SPI1: variants seen among roughly 807,000 people sequenced by gnomAD.
SPI1 encodes the protein Spi-1 proto-oncogene, also known as transcription factor PU.1.
SPI1 carries 3 observed loss-of-function variants against 30.7 expected under a neutral mutation model. The observed-to-expected ratio is 0.10, with a 90% confidence interval of 0.04 to 0.25. SPI1 has a LOEUF of 0.25. Ranked by LOEUF, SPI1 falls within the 10% of genes least tolerant of loss-of-function variation. The pLI is 1.00. For missense variants in SPI1, 261 were observed against 371.5 expected (o/e 0.70, Z 2.45); for synonymous variants, 169 against 157.1 (o/e 1.08, Z -0.56).
chr11:47,373,279 G>A lies in SPI1; in HGVS notation c.142+2354C>T, dbSNP rs1188423526. ...AGGCAGGAGAATCGCTTGAATCCGG[G>A]AGGCGGAGGTTGCAGTGAGCCAAGA... is the stretch of plus-strand genomic sequence containing the variant. On this transcript the variant is annotated intron_variant, in intron 2 of 4. Coordinates refer to ENST00000378538, the MANE Select transcript of SPI1 (RefSeq NM_003120.3). Among the ~76,000 whole-genome samples, 16 of 152,220 alleles carry A rather than the reference G, an allele frequency of 1.1e-4. No individual in the cohort carries two copies. In the East Asian group the frequency reaches 2.7e-3, roughly 26 times the overall value.
chr11:47,361,501 A>G (rs7119799), intron 2 of SPI1, among the ~76,000 whole-genome samples: 151,592 of 152,292 alleles, frequency 1, 75,451 homozygotes, highest in Middle Eastern at 1. Context: ...TTCAGCATGA[A>G]CACCTTTTCC....
rs1487703811 is a variant in SPI1, at chr11:47,374,976, T to G, written c.142+657A>C. Among the ~76,000 whole-genome samples the G allele has an allele frequency of 1.3e-5, 2 of 152,090 alleles. No homozygotes were observed. Among genetic ancestry groups the G allele is most frequent in the African/African-American group, 4.8e-5 (2 of 41,410 alleles). On this transcript the variant is annotated intron_variant, in intron 2 of 4. Transcript: ENST00000378538. This position sits in a 1 kb window ranked among gnomAD's most constrained non-coding sequence, Gnocchi z 4.5. ...TTCCTTCGGCCCAGCAGTTCCCAATTAGGGGTGATTTTGCCTCCCGGGGGG... is the reference window on the plus strand; with the variant it reads ...TTCCTTCGGCCCAGCAGTTCCCAATGAGGGGTGATTTTGCCTCCCGGGGGG...
At chr11:47,368,510 C>T (rs183758016) in intron 2 of SPI1, among the ~76,000 whole-genome samples, 79 of 152,336 alleles carry the variant, frequency 5.2e-4, no homozygotes, top group Middle Eastern at 3.4e-3. Context: ...CCCTAAGTGT[C>T]GGACGGCTGG....
intron 1 of SPI1, among the ~76,000 whole-genome samples, chr11:47,377,774 C>T (rs1156359403): frequency 1.3e-5 from 2 of 152,244 alleles, no homozygotes; most frequent in African/African-American, 4.8e-5. Context: ...CCTGTGGGCC[C>T]ATGGCCCTGA....
intron 4 of SPI1, among the ~76,000 whole-genome samples, chr11:47,356,642 C>A (rs1344002767): frequency 1.3e-5 from 2 of 151,814 alleles, no homozygotes; most frequent in African/African-American, 4.8e-5. Context: ...CACAAACACA[C>A]CTGCTTACAC....
intron 4 of SPI1, chr11:47,358,437 CAG>C (rs2095915363): frequency 1.6e-6 from 1 of 634,280 alleles, no homozygotes; most frequent in Non-Finnish European, 2.9e-6. Flanking sequence ...CATGTGTTGA[CAG>C]ACACACAAAC....
At chr11:47,355,655 G>A (rs2095907049) in intron 4 of SPI1, 109 bp from the exon 5 acceptor site, 5 of 951,572 alleles carry the variant, frequency 5.3e-6, no homozygotes, top group Non-Finnish European at 7.6e-6. Flanking sequence ...GGGAAGGGCA[G>A]GGGAACGGCT....
At position 47,369,573 on chromosome 11, in the gene SPI1, C is replaced by A. The variant is rs200219411; in HGVS notation, c.142+6060G>T. 8.4e-3 allele frequency among the ~76,000 whole-genome samples: 884 copies of A among 104,680 alleles called. 10 individuals carry two copies. Among genetic ancestry groups the A allele is most frequent in the African/African-American group, 0.027 (771 of 29,028 alleles). The allele number at this position is 104,680 out of a possible 152,430, so 68.7% of individuals were successfully genotyped here. ...AAGAGAGAGAGAGAAAAAAAAAAAA[C>A]AACAAATGAAACAAACAAAAAGCTA... is the stretch of plus-strand genomic sequence containing the variant. On this transcript the variant is annotated intron_variant, in intron 2 of 4. Transcript: ENST00000378538.
At chr11:47,357,096 C>T (rs1437370924) in intron 4 of SPI1, among the ~76,000 whole-genome samples, 1 of 151,312 alleles carries the variant, frequency 6.6e-6, no homozygotes, top group Non-Finnish European at 1.5e-5. Flanking sequence ...ATGCTAACAC[C>T]TCACACATTC....
intron 4 of SPI1, 121 bp downstream of exon 4, chr11:47,358,723 A>G (rs1457527497): frequency 2.1e-6 from 2 of 971,186 alleles, no homozygotes; most frequent in East Asian, 5.3e-5. Context: ...ACTGGCAAAC[A>G]TGCACACACA....
At position 47,356,956 on chromosome 11, in the gene SPI1, A is replaced by C. The variant is rs565362052; in HGVS notation, c.494-1410T>G. Among the ~76,000 whole-genome samples, 3 of 143,956 alleles carry C rather than the reference A, an allele frequency of 2.1e-5. No individual in the cohort carries two copies. In the South Asian group the frequency reaches 6.8e-4, roughly 32 times the overall value. The allele number at this position is 143,956 out of a possible 152,430, so 94.4% of individuals were successfully genotyped here. A position where few individuals can be genotyped will look rare whatever the true frequency, so the allele number is the denominator to read the frequency against. ...CATTCACTCACGCACACACCCACTC[A>C]CACATGCTCACGTCTGCTCACACAC... On this transcript the variant is annotated intron_variant, in intron 4 of 4. Transcript: ENST00000378538.
chr11:47,358,893 G>T lies in SPI1; in HGVS notation c.444C>A (p.Gly148=), dbSNP rs1230871689. The change falls in exon 4 of 5, where the codon GGC becomes GGA. Residue 148 remains glycine, a synonymous_variant. Transcript: ENST00000378538. ...RQSPPLEVSD[G]EADGLEPGPG... is the part of the protein sequence containing the mutation. ...GCCCGGGCTCCAGGCCATCCGCCTCGCCGTCAGACACCTCCAGTGGGGGGC... is the reference window on the plus strand; with the variant it reads ...GCCCGGGCTCCAGGCCATCCGCCTCTCCGTCAGACACCTCCAGTGGGGGGC... 1.3e-6 allele frequency: 2 copies of T among 1,560,472 alleles called. No individual in the cohort carries two copies. The highest frequency in any genetic ancestry group is 2.4e-5 in the South Asian group (2 of 84,244).
At position 47,359,623 on chromosome 11, in the gene SPI1, C is replaced by T. The variant is rs534073599; in HGVS notation, c.330+230G>A. 5.3e-5 allele frequency among the ~76,000 whole-genome samples: 8 copies of T among 150,042 alleles called. No homozygotes were observed. The East Asian group carries it at 1.4e-3, about 26-fold the overall frequency. Reference sequence around the variant, plus strand: ...GGGATGGGGAGGCTTGGTGAGGGTGCGAGAATTATCTGGGGTCTGTCCATA... The same window carrying T: ...GGGATGGGGAGGCTTGGTGAGGGTGTGAGAATTATCTGGGGTCTGTCCATA... On this transcript the variant is annotated intron_variant, in intron 3 of 4. Transcript: ENST00000378538. The surrounding 1 kb of genome is among the most constrained non-coding windows in gnomAD (Gnocchi z 5.1).
At chr11:47,365,482 G>A (rs144518902) in intron 2 of SPI1, among the ~76,000 whole-genome samples, 132 of 152,212 alleles carry the variant, frequency 8.7e-4, no homozygotes, top group African/African-American at 2.9e-3. Flanking sequence ...TAGCACTCAG[G>A]AGGTGGCCAC....
rs60926634 is a variant in SPI1 at position 47,362,668 on chromosome 11, C to T, written c.143-2628G>A. On this transcript the variant is annotated intron_variant, in intron 2 of 4. Coordinates refer to ENST00000378538, the MANE Select transcript of SPI1 (RefSeq NM_003120.3). ...TCGGCTCACTGCAACCTCCACCTCC[C>T]GGGTTCAAGTGATTCTCCTGCCTCA... is the stretch of plus-strand genomic sequence containing the variant. Among the ~76,000 whole-genome samples, 9 of 151,530 alleles carry T rather than the reference C, an allele frequency of 5.9e-5. No individual in the cohort carries two copies. In the South Asian group the frequency reaches 6.3e-4, roughly 11 times the overall value.
At chr11:47,356,161 C>T (rs995949003) in intron 4 of SPI1, among the ~76,000 whole-genome samples, 1 of 151,546 alleles carries the variant, frequency 6.6e-6, no homozygotes, top group African/African-American at 2.4e-5. Context: ...TCTGCCCTCA[C>T]ACACTGTCAC....
rs2095940520 is a variant in SPI1 at position 47,375,042 on chromosome 11, G to T, written c.142+591C>A. ...GAGACATTTTTGGTTGTCATGATTG[G>T]CCATGGCCCTGGCATGTGGTAGGTA... is the stretch of plus-strand genomic sequence containing the variant. On this transcript the variant is annotated intron_variant, in intron 2 of 4. Coordinates refer to ENST00000378538, the MANE Select transcript of SPI1 (RefSeq NM_003120.3). This position sits in a 1 kb window ranked among gnomAD's most constrained non-coding sequence, Gnocchi z 4.2. 6.6e-6 allele frequency among the ~76,000 whole-genome samples: 1 copy of T among 152,224 alleles called. No individual in the cohort carries two copies. The highest frequency in any genetic ancestry group is 1.5e-5 in the Non-Finnish European group (1 of 68,038).
rs896576154 is a variant in SPI1, at chr11:47,358,860, G to A, written c.477C>T (p.Leu159=). 6 of 1,550,276 alleles carry A rather than the reference G, an allele frequency of 3.9e-6. No homozygotes were observed. The highest frequency in any genetic ancestry group is 5.2e-6 in the Non-Finnish European group (6 of 1,146,204). Residue 159 remains leucine, a synonymous_variant, in exon 4 of 5, where the codon CTC becomes CTT. Coordinates refer to ENST00000378538, the MANE Select transcript of SPI1 (RefSeq NM_003120.3). ...EADGLEPGPG[L]LPGETGSKKK... is the part of the protein sequence containing the mutation. ...GTGCCCCACCTGTCTCCCCAGGCAG[G>A]AGCCCAGGCCCGGGCTCCAGGCCAT...
chr11:47,368,092 G>A (rs2095931022), intron 2 of SPI1, among the ~76,000 whole-genome samples: 1 of 152,124 alleles, frequency 6.6e-6, no homozygotes, highest in African/African-American at 2.4e-5. Flanking sequence ...TAGGCCGGGC[G>A]CAGTGGCTCA....
Sources: gnomAD v4.1 joint callset for allele counts (sites outside exome capture counted in the v4.1 genomes callset) on GRCh38, gnomAD v4.1.1 for gene constraint, Gnocchi (gnomAD v3.1) non-coding constraint, MANE v1.5 for transcripts, NCBI Gene and HGNC (gene_info 2026-07-23, HGNC 2026-07-21) for gene names.